Variants in RHOBTB2 observed in about 807,000 individuals in gnomAD.
RHOBTB2 encodes the protein Rho related BTB domain containing 2.
RHOBTB2 carries 39 observed loss-of-function variants against 66.5 expected under a neutral mutation model. The observed-to-expected ratio is 0.59, with a 90% CI of 0.45 to 0.77. RHOBTB2 has a LOEUF of 0.77. Among genes scored for constraint, RHOBTB2 ranks in the 30% least tolerant of loss-of-function variants. RHOBTB2 has a pLI of 0.00. For missense variants in RHOBTB2, 755 were observed against 999.1 expected, an observed-to-expected ratio of 0.76 and a Z score of 3.29; for synonymous variants, 390 against 395.0, an observed-to-expected ratio of 0.99 and a Z score of 0.15.
intron 2 of RHOBTB2, chr8:22,994,526 G>A: frequency 2.2e-6 from 3 of 1,337,690 alleles, no homozygotes; most frequent in Non-Finnish European, 3.1e-6. Context: ...TGTCTCCCCT[G>A]CCCCGCCCCA....
At chr8:22,955,078 C>T in the RHOBTB2 span, among the ~76,000 whole-genome samples, 2 of 152,134 alleles carry the variant, frequency 1.3e-5, no homozygotes, top group South Asian at 4.1e-4. Flanking sequence ...TTGCAATAAG[C>T]CGAGATTGCA....
Position 23,004,320 on chromosome 8 carries a change from C to CT in RHOBTB2, c.-10-103dup. The CT allele has an allele frequency of 1.0e-6, 1 of 956,018 alleles. No individual in the cohort carries two copies. The highest frequency in any genetic ancestry group is 1.6e-6 in the Non-Finnish European group (1 of 607,032). The allele number at this position is 956,018 out of a possible 1,614,324, so 59.2% of individuals were successfully genotyped here. On this transcript the variant is annotated intron_variant, in intron 1 of 9. Coordinates refer to ENST00000251822, the MANE Select transcript of RHOBTB2 (RefSeq NM_015178.3). The surrounding 1 kb of genome is among the most constrained non-coding windows in gnomAD (Gnocchi z 6.4). Reference sequence around the variant, plus strand: ...CTTCCTCCTCCTGTCAGCTCCGGGGCTTGCAGAGGGGGCAGCCTGGCTGAG... The same window carrying CT: ...CTTCCTCCTCCTGTCAGCTCCGGGGCTTTGCAGAGGGGGCAGCCTGGCTGAG...
chr8:23,003,871 C>G (rs1433110760), intron 1 of RHOBTB2, among the ~76,000 whole-genome samples: 1 of 152,164 alleles, frequency 6.6e-6, no homozygotes, highest in African/African-American at 2.4e-5. Flanking sequence ...CAGGCTAGGG[C>G]TTGGAAATCC....
chr8:22,958,036 G>A, the RHOBTB2 span, among the ~76,000 whole-genome samples: 4 of 152,240 alleles, frequency 2.6e-5, no homozygotes, highest in Non-Finnish European at 5.9e-5. Context: ...AGGCAAAGCT[G>A]TTGGTGGGCT....
At chr8:22,960,098 G>A in the RHOBTB2 span, among the ~76,000 whole-genome samples, 4 of 150,080 alleles carry the variant, frequency 2.7e-5, no homozygotes, top group African/African-American at 4.9e-5. Flanking sequence ...CAGGAGAATC[G>A]CCTGAACCCA....
At chr8:22,962,277 C>T in the RHOBTB2 span, among the ~76,000 whole-genome samples, 2 of 118,914 alleles carry the variant, frequency 1.7e-5, no homozygotes, top group African/African-American at 6.3e-5. Flanking sequence ...AAAAGCCTAT[C>T]AAAGAATTAT....
chr8:22,960,635 T>C, the RHOBTB2 span, among the ~76,000 whole-genome samples: 118 of 152,230 alleles, frequency 7.8e-4, 1 homozygote, highest in South Asian at 0.02. Flanking sequence ...TCCTTTTTCA[T>C]TGGAGGGTAC....
the RHOBTB2 span, among the ~76,000 whole-genome samples, chr8:22,953,177 T>G: frequency 3.3e-5 from 5 of 152,186 alleles, no homozygotes; most frequent in African/African-American, 1.2e-4. Flanking sequence ...CACTTTTCCC[T>G]TACCAATTGA....
the RHOBTB2 span, chr8:22,978,147 C>A: frequency 6.6e-6 from 1 of 151,848 alleles, no homozygotes; most frequent in African/African-American, 2.4e-5. Flanking sequence ...AAAATATCTT[C>A]TTTTTAAATC....
chr8:23,005,989 T>C lies in RHOBTB2; in HGVS notation c.326T>C (p.Ile109Thr), dbSNP rs750331565. The change falls in exon 4 of 10, where the codon ATT becomes ACT. Residue 109 changes from isoleucine (I) to threonine (T), a missense_variant. Physicochemically the swap from Ile to Thr is moderately conservative, Grantham distance 89 (BLOSUM62 -1). Around this residue, in one of 7 missense-constraint regions of RHOBTB2, gnomAD observed 33 missense variants for 36.0 expected, o/e 0.92. Transcript: ENST00000251822. ...RSDVVVLCFS[I>T]ANPNSLHHVK... ...GATGTGGTGGTTCTGTGCTTCTCCA[T>C]TGCCAACCCCAATTCCCTCCACCAT... The C allele has an allele frequency of 2.5e-6, 4 of 1,613,516 alleles. No individual in the cohort carries two copies. The highest frequency in any genetic ancestry group is 3.3e-5 in the Admixed American group (2 of 59,992).
At chr8:23,002,516 AC>A (rs1285497011) in intron 1 of RHOBTB2, among the ~76,000 whole-genome samples, 6 of 152,246 alleles carry the variant, frequency 3.9e-5, no homozygotes, top group African/African-American at 7.2e-5. Flanking sequence ...ACATGGCGAA[AC>A]CCCGTATCTA....
the RHOBTB2 span, among the ~76,000 whole-genome samples, chr8:22,964,526 G>T: frequency 6.6e-6 from 1 of 152,090 alleles, no homozygotes; most frequent in Non-Finnish European, 1.5e-5. Flanking sequence ...TTCAGCACCT[G>T]CTCCTATACC....
the RHOBTB2 span, among the ~76,000 whole-genome samples, chr8:22,962,063 A>G: frequency 1.3e-5 from 2 of 151,926 alleles, no homozygotes; most frequent in Non-Finnish European, 2.9e-5. Flanking sequence ...CAGGAGGCCA[A>G]GGTGAGAGGA....
At chr8:22,985,685 G>A (rs750739363), upstream of RHOBTB2, among the ~76,000 whole-genome samples, 2 of 152,184 alleles carry the variant, frequency 1.3e-5, no homozygotes, top group Non-Finnish European at 2.9e-5. Context: ...ATGCTTTTCC[G>A]GCATTCCCTA....
chr8:22,990,153 G>A (rs1301379286), intron 1 of RHOBTB2, among the ~76,000 whole-genome samples: 1 of 152,170 alleles, frequency 6.6e-6, no homozygotes, highest in Non-Finnish European at 1.5e-5. Flanking sequence ...ACAGGGTGTG[G>A]CACTAGCGAG....
At chr8:23,014,931 A>G (rs1327603444) in intron 8 of RHOBTB2, among the ~76,000 whole-genome samples, 153 bp downstream of exon 8, 2 of 152,242 alleles carry the variant, frequency 1.3e-5, no homozygotes, top group South Asian at 4.2e-4. Context: ...CTCCTCCTCC[A>G]TGCCAGGAAG....
chr8:22,959,310 G>A, the RHOBTB2 span, among the ~76,000 whole-genome samples: 2 of 152,118 alleles, frequency 1.3e-5, no homozygotes, highest in Non-Finnish European at 2.9e-5. Context: ...GCAGTGGTGC[G>A]ATCTCGGCTT....
the RHOBTB2 span, among the ~76,000 whole-genome samples, chr8:22,970,349 C>G: frequency 6.6e-6 from 1 of 152,104 alleles, no homozygotes; most frequent in Non-Finnish European, 1.5e-5. Flanking sequence ...GCCCTCATGA[C>G]CTAATCACCT....
At chr8:22,994,431 C>CG in intron 2 of RHOBTB2, 1 of 559,336 alleles carries the variant, frequency 1.8e-6, no homozygotes, top group Non-Finnish European at 3.2e-6. Context: ...CATCAGGGGC[C>CG]GCTCTCTTGT....
Sources: gnomAD v4.1 joint callset for allele counts (sites outside exome capture counted in the v4.1 genomes callset) on GRCh38, gnomAD v4.1.1 for gene constraint, gnomAD v4.1.1 regional missense constraint, Gnocchi (gnomAD v3.1) non-coding constraint, MANE v1.5 for transcripts, NCBI Gene and HGNC (gene_info 2026-07-23, HGNC 2026-07-21) for gene names.